Variants in SLC36A1 observed in about 807,000 individuals in gnomAD.
SLC36A1 encodes proton-coupled amino acid transporter 1.
In SLC36A1, 30 loss-of-function variants were observed where a neutral mutation model predicts 47.5. That is an observed-to-expected ratio of 0.63 (90% CI 0.47 to 0.86). The LOEUF (loss-of-function observed/expected upper bound fraction) is 0.86, where lower values mean the gene tolerates loss of function less well. SLC36A1 is among the 40% of genes least tolerant of loss of function. The pLI is 0.00. For missense variants in SLC36A1, 517 were observed against 606.0 expected (o/e 0.85, Z 1.54); for synonymous variants, 255 against 249.7 (o/e 1.02, Z -0.20).
At chr5:151,522,095 A>G in the SLC36A1 span, 1 of 1,567,062 alleles carries the variant, frequency 6.4e-7, no homozygotes, top group Non-Finnish European at 8.7e-7. Flanking sequence ...GCCTGTGGGC[A>G]AAACAAACAC....
At chr5:151,433,257 T>C (rs1178728515), upstream of SLC36A1, among the ~76,000 whole-genome samples, 1 of 22,072 alleles carries the variant, frequency 4.5e-5, no homozygotes, top group Non-Finnish European at 8.7e-5. Flanking sequence ...TATATATATA[T>C]ATATATATAT....
the SLC36A1 span, among the ~76,000 whole-genome samples, chr5:151,346,846 T>C: frequency 9.2e-5 from 14 of 152,224 alleles, no homozygotes; most frequent in Non-Finnish European, 1.5e-5. Context: ...CCAGGCTTAC[T>C]GCAGGAAGGA....
chr5:151,466,506 T>A (rs1381089268), intron 5 of SLC36A1, among the ~76,000 whole-genome samples: 1 of 150,964 alleles, frequency 6.6e-6, no homozygotes, highest in Admixed American at 6.6e-5. Context: ...ATGTTCCATT[T>A]AAGAACGGTC....
At chr5:151,389,288 AG>A in the SLC36A1 span, among the ~76,000 whole-genome samples, 1 of 152,138 alleles carries the variant, frequency 6.6e-6, no homozygotes, top group Admixed American at 6.6e-5. Context: ...TCTGCTAAGA[AG>A]GCTCTTTCCC....
At chr5:151,529,217 C>T in the SLC36A1 span, 4 of 1,614,064 alleles carry the variant, frequency 2.5e-6, no homozygotes, top group Admixed American at 5.0e-5. Flanking sequence ...TCTCTAAGAC[C>T]CTTGTGCTAT....
chr5:151,512,025 C>CA, the SLC36A1 span: 7,811 of 723,662 alleles, frequency 0.011, 423 homozygotes, highest in African/African-American at 0.12. This position sits in a 1 kb window ranked among gnomAD's most constrained non-coding sequence, Gnocchi z 4.1. Flanking sequence ...TTGCAGATTC[C>CA]AACCTGTTAC....
the SLC36A1 span, among the ~76,000 whole-genome samples, chr5:151,400,691 T>G: frequency 6.7e-6 from 1 of 148,948 alleles, no homozygotes; most frequent in African/African-American, 2.4e-5. Context: ...TTTTGTTTTG[T>G]TTTTTTACTT....
chr5:151,427,091 T>G, the SLC36A1 span, among the ~76,000 whole-genome samples: 1 of 152,142 alleles, frequency 6.6e-6, no homozygotes, highest in African/African-American at 2.4e-5. Flanking sequence ...TATGTCTTCT[T>G]TTTTCTACAT....
chr5:151,498,896 C>T, the SLC36A1 span, among the ~76,000 whole-genome samples: 2 of 152,242 alleles, frequency 1.3e-5, no homozygotes, highest in Admixed American at 6.5e-5. Context: ...CACCTCCCTC[C>T]TCTGGTTATC....
intron 8 of SLC36A1, among the ~76,000 whole-genome samples, chr5:151,474,447 A>T (rs191209210): frequency 6.6e-6 from 1 of 152,164 alleles, no homozygotes; most frequent in Non-Finnish European, 1.5e-5. Flanking sequence ...CAAGGGCTTC[A>T]TCTCTTTGAG....
the SLC36A1 span, among the ~76,000 whole-genome samples, chr5:151,385,978 T>G: frequency 4.0e-5 from 6 of 151,424 alleles, no homozygotes; most frequent in Non-Finnish European, 7.4e-5. Flanking sequence ...TTCAAGTGAT[T>G]CTCCTGCCTT....
At chr5:151,394,751 G>A in the SLC36A1 span, among the ~76,000 whole-genome samples, 1,645 of 152,302 alleles carry the variant, frequency 0.011, 67 homozygotes, top group East Asian at 0.14. Context: ...CTGCCTGATC[G>A]TTCCTCTGGA....
At chr5:151,501,840 A>G in the SLC36A1 span, among the ~76,000 whole-genome samples, 3 of 148,168 alleles carry the variant, frequency 2.0e-5, no homozygotes, top group Non-Finnish European at 4.4e-5. Flanking sequence ...TAGATCTTAC[A>G]TCCTTCACAA....
At chr5:151,530,616 C>T in the SLC36A1 span, among the ~76,000 whole-genome samples, 1 of 152,100 alleles carries the variant, frequency 6.6e-6, no homozygotes, top group African/African-American at 2.4e-5. Context: ...AAACCAGTTT[C>T]GAAAAGACAT....
chr5:151,415,516 G>A, the SLC36A1 span, among the ~76,000 whole-genome samples: 1 of 151,918 alleles, frequency 6.6e-6, no homozygotes, highest in Non-Finnish European at 1.5e-5. Flanking sequence ...CCTTCAACTC[G>A]TAGCTTAAAC....
chr5:151,473,974 A>G (rs1244321340), intron 8 of SLC36A1, among the ~76,000 whole-genome samples: 2 of 151,914 alleles, frequency 1.3e-5, no homozygotes, highest in Non-Finnish European at 2.9e-5. Flanking sequence ...AGCCTGGCCA[A>G]CATGGTGAAA....
rs186162995 is a variant in SLC36A1 at position 151,461,386 on chromosome 5, T to G, written c.144-2167T>G. Among the ~76,000 whole-genome samples, 3 of 152,286 alleles carry G rather than the reference T, an allele frequency of 2.0e-5. No individual in the cohort carries two copies. The East Asian group carries it at 5.8e-4, about 29-fold the overall frequency. On this transcript the variant is annotated intron_variant, in intron 2 of 10. Transcript: ENST00000243389. ...CGAAGACAGCCTCATTTTATGCTGT[T>G]GGGCAGATTTTTCTTCTTGTTGCCC...
chr5:151,481,085 C>G (rs1219656740), intron 10 of SLC36A1, among the ~76,000 whole-genome samples: 1 of 152,192 alleles, frequency 6.6e-6, no homozygotes, highest in Non-Finnish European at 1.5e-5. Context: ...CTGCAGCACC[C>G]TGCAGGAGAC....
the SLC36A1 span, among the ~76,000 whole-genome samples, chr5:151,430,687 T>C: frequency 6.6e-6 from 1 of 152,240 alleles, no homozygotes; most frequent in African/African-American, 2.4e-5. Flanking sequence ...GTTTGTTGCA[T>C]GGATTATTTC....
Sources: allele counts gnomAD v4.1 joint callset (sites outside exome capture counted in the v4.1 genomes callset), GRCh38; gene constraint gnomAD v4.1.1; non-coding constraint Gnocchi (gnomAD v3.1); transcripts MANE v1.5; gene names NCBI Gene and HGNC (gene_info 2026-07-23, HGNC 2026-07-21).